Variants in MCC observed in about 807,000 individuals in gnomAD.
The protein encoded by MCC is MCC regulator of Wnt signaling pathway, also known as colorectal mutant cancer protein.
A neutral mutation model predicts 116.2 loss-of-function variants in MCC; 90 were observed. The ratio of observed to expected loss-of-function variants is 0.77; its 90% CI spans 0.65 to 0.92. MCC has a LOEUF of 0.92. Among genes scored for constraint, MCC ranks in the 40% least tolerant of loss-of-function variants. MCC has a pLI of 0.00. For synonymous variants in MCC, 578 were observed against 510.5 expected (o/e 1.13, Z -1.78); for missense variants, 1,516 against 1,312.2 (o/e 1.16, Z -2.40).
intron 2 of MCC, among the ~76,000 whole-genome samples, chr5:113,353,596 C>T (rs929531013): frequency 3.3e-5 from 5 of 152,072 alleles, no homozygotes; most frequent in Non-Finnish European, 7.4e-5. Context: ...ACATTTAAAC[C>T]AATATAGAAT....
At chr5:113,368,361 T>C (rs1003864332) in intron 2 of MCC, among the ~76,000 whole-genome samples, 4 of 152,218 alleles carry the variant, frequency 2.6e-5, no homozygotes, top group Admixed American at 6.5e-5. Context: ...AATAAACACA[T>C]ACTTCTCTTT....
chr5:113,367,356 T>A (rs897892804), intron 2 of MCC, among the ~76,000 whole-genome samples: 5 of 143,646 alleles, frequency 3.5e-5, no homozygotes, highest in Non-Finnish European at 6.2e-5. Flanking sequence ...TAGCCAATTA[T>A]CTAAGTCTTT....
At chr5:113,288,802 T>C (rs918790443) in intron 3 of MCC, among the ~76,000 whole-genome samples, 1 of 152,174 alleles carries the variant, frequency 6.6e-6, no homozygotes, top group African/African-American at 2.4e-5. Flanking sequence ...AAATCTTGAC[T>C]CCACCTTTTA....
At chr5:113,335,720 T>A (rs1010469213) in intron 3 of MCC, among the ~76,000 whole-genome samples, 5 of 151,728 alleles carry the variant, frequency 3.3e-5, no homozygotes, top group Non-Finnish European at 5.9e-5. Flanking sequence ...TAGATTACAC[T>A]GAGTTTTGCT....
At chr5:113,032,314 A>T (rs1751007987) in intron 17 of MCC, among the ~76,000 whole-genome samples, 1 of 151,358 alleles carries the variant, frequency 6.6e-6, no homozygotes, top group African/African-American at 2.4e-5. Flanking sequence ...AGCCTGAGGC[A>T]GGAGAATCGC....
intron 2 of MCC, among the ~76,000 whole-genome samples, chr5:113,382,816 T>C (rs1267213503): frequency 6.6e-6 from 1 of 152,188 alleles, no homozygotes; most frequent in African/African-American, 2.4e-5. Flanking sequence ...TAGTGTCATG[T>C]AGACAGTAAG....
At chr5:113,123,453 G>A (rs2150271066) in intron 5 of MCC, among the ~76,000 whole-genome samples, 1 of 152,346 alleles carries the variant, frequency 6.6e-6, no homozygotes, top group East Asian at 1.9e-4. Flanking sequence ...AACACTGAAT[G>A]AGAGAACACC....
At chr5:113,317,416 G>A (rs983568831) in intron 3 of MCC, among the ~76,000 whole-genome samples, 1 of 152,166 alleles carries the variant, frequency 6.6e-6, no homozygotes, top group African/African-American at 2.4e-5. Context: ...ATGGACACTG[G>A]TAGATTTATT....
At chr5:113,412,466 C>A (rs1024140724) in intron 1 of MCC, among the ~76,000 whole-genome samples, 2 of 152,166 alleles carry the variant, frequency 1.3e-5, no homozygotes, top group Non-Finnish European at 1.5e-5. Flanking sequence ...GTTTGTAGTT[C>A]TCCTTGAAGA....
chr5:113,430,793 G>A (rs980047954), intron 1 of MCC, among the ~76,000 whole-genome samples: 1 of 152,164 alleles, frequency 6.6e-6, no homozygotes, highest in Admixed American at 6.5e-5. Flanking sequence ...TGGTCAGCGT[G>A]AAGAGACTGC....
intron 4 of MCC, among the ~76,000 whole-genome samples, chr5:113,147,091 C>T (rs184364381): frequency 9.9e-5 from 15 of 152,266 alleles, no homozygotes; most frequent in African/African-American, 3.4e-4. Context: ...AATACATACC[C>T]GGAGTTTCTT....
At chr5:113,126,290 A>C (rs1449725366) in intron 5 of MCC, among the ~76,000 whole-genome samples, 1 of 152,220 alleles carries the variant, frequency 6.6e-6, no homozygotes, top group Admixed American at 6.5e-5. Context: ...ACAGGCTGGC[A>C]GACTGGAAGG....
intron 3 of MCC, among the ~76,000 whole-genome samples, chr5:113,157,342 T>C (rs975129115): frequency 1.4e-4 from 22 of 152,204 alleles, no homozygotes; most frequent in African/African-American, 3.9e-4. Flanking sequence ...GAAACACAGT[T>C]GGTAAAAAGG....
At chr5:113,464,569 C>T (rs1405717394) in intron 1 of MCC, among the ~76,000 whole-genome samples, 1 of 151,468 alleles carries the variant, frequency 6.6e-6, no homozygotes, top group African/African-American at 2.4e-5. Flanking sequence ...CCCTTCCCTG[C>T]CTTTATTTGG....
At chr5:113,109,748 A>G (rs1026074480) in intron 6 of MCC, among the ~76,000 whole-genome samples, 1 of 152,246 alleles carries the variant, frequency 6.6e-6, no homozygotes, top group Non-Finnish European at 1.5e-5. Context: ...CAAGAATGGC[A>G]GCACATTCAG....
chr5:113,427,893 C>G lies in MCC; in HGVS notation c.171-42681G>C, dbSNP rs987416675. On this transcript the variant is annotated intron_variant, in intron 1 of 18. Coordinates refer to ENST00000408903, the MANE Select transcript of MCC (RefSeq NM_001085377.2). ...TTCATAACCTCTCTGCTAATTCTAG[C>G]AAATGAACATAAGCAATCTCAGGAA... is the stretch of plus-strand genomic sequence containing the variant. Among the ~76,000 whole-genome samples, 5 of 152,188 alleles carry G rather than the reference C, an allele frequency of 3.3e-5. No individual in the cohort carries two copies. The East Asian group carries it at 9.7e-4, about 29-fold the overall frequency.
At chr5:113,186,722 C>T (rs547009669) in intron 3 of MCC, among the ~76,000 whole-genome samples, 20 of 152,268 alleles carry the variant, frequency 1.3e-4, no homozygotes, top group African/African-American at 4.8e-4. Flanking sequence ...AGCTTCAAGC[C>T]TATGTACCTT....
chr5:113,247,530 A>G (rs1764623236), intron 3 of MCC, among the ~76,000 whole-genome samples: 1 of 152,196 alleles, frequency 6.6e-6, no homozygotes, highest in Non-Finnish European at 1.5e-5. Flanking sequence ...TTCACATGGA[A>G]GTTTTAGTAG....
At position 113,063,965 on chromosome 5, in the gene MCC, G is replaced by C; in HGVS notation, c.2213+19C>G. On this transcript the variant is annotated intron_variant, in intron 14 of 18. Transcript: ENST00000408903. ...CATGTGGACACACGCCCACCCCAGAGCAGAAGGCTGAGCATTACCTGGTGT... is the reference window on the plus strand; with the variant it reads ...CATGTGGACACACGCCCACCCCAGACCAGAAGGCTGAGCATTACCTGGTGT... 6.2e-7 allele frequency: 1 copy of C among 1,604,654 alleles called. No homozygotes were observed. Among genetic ancestry groups the C allele is most frequent in the Non-Finnish European group, 8.5e-7 (1 of 1,175,308 alleles).
Sources: allele counts gnomAD v4.1 joint callset (sites outside exome capture counted in the v4.1 genomes callset), GRCh38; gene constraint gnomAD v4.1.1; transcripts MANE v1.5; gene names NCBI Gene and HGNC (gene_info 2026-07-23, HGNC 2026-07-21).